JAKMIP1: variants seen among roughly 807,000 people sequenced by gnomAD.
JAKMIP1 encodes janus kinase and microtubule-interacting protein 1.
A neutral mutation model predicts 113.0 loss-of-function variants in JAKMIP1; 33 were observed. That is an observed-to-expected ratio of 0.29 (90% CI 0.22 to 0.39). JAKMIP1 has a LOEUF of 0.39. Among genes scored for constraint, JAKMIP1 ranks in the 10% least tolerant of loss-of-function variants. The pLI is 1.00. For synonymous variants in JAKMIP1, 480 were observed against 459.9 expected, an observed-to-expected ratio of 1.04 and a Z score of -0.56; for missense variants, 813 against 1,080.5, an observed-to-expected ratio of 0.75 and a Z score of 3.47.
At chr4:6,060,393 G>C (rs1356537162) in intron 11 of JAKMIP1, 31 bp downstream of exon 11, 38 of 1,540,714 alleles carry the variant, frequency 2.5e-5, no homozygotes, top group Non-Finnish European at 3.4e-5. Flanking sequence ...GAAAGGCTAA[G>C]ATTCACAGAG....
In JAKMIP1 at chr4:6,188,152, T is replaced by C. The variant is rs1726848178; in HGVS notation, c.-148+12101A>G. On this transcript the variant is annotated intron_variant, in intron 1 of 20. Coordinates refer to ENST00000409021, the MANE Select transcript of JAKMIP1 (RefSeq NM_001099433.2). The surrounding 1 kb of genome is among the most constrained non-coding windows in gnomAD (Gnocchi z 5.8). The stretch of plus-strand genomic sequence containing the variant: ...TTTATCCAAGAGTCTCTGAACACCA[T>C]CTACAAAAATGTCCACTACCAGCTT... Among the ~76,000 whole-genome samples the C allele has an allele frequency of 6.6e-6, 1 of 152,160 alleles. No homozygotes were observed. Among genetic ancestry groups the C allele is most frequent in the African/African-American group, 2.4e-5 (1 of 41,440 alleles).
At chr4:6,163,145 G>C (rs1197501098) in intron 1 of JAKMIP1, among the ~76,000 whole-genome samples, 2 of 152,226 alleles carry the variant, frequency 1.3e-5, no homozygotes, top group African/African-American at 2.4e-5. Flanking sequence ...TGTGGCTGCT[G>C]TGATAAGTCA....
chr4:6,121,098 G>C (rs566440261), intron 1 of JAKMIP1, among the ~76,000 whole-genome samples: 12 of 151,622 alleles, frequency 7.9e-5, no homozygotes, highest in African/African-American at 2.7e-4. Flanking sequence ...TACTTGGGAG[G>C]CTGAGGCAGG....
At chr4:6,123,915 G>T (rs556957952) in intron 1 of JAKMIP1, among the ~76,000 whole-genome samples, 171 of 152,310 alleles carry the variant, frequency 1.1e-3, no homozygotes, top group Non-Finnish European at 1.9e-3. Flanking sequence ...TTAACAAGGT[G>T]CTTGCTGTCT....
rs542288003 is a variant in JAKMIP1, at chr4:6,162,369, G to A, written c.-148+37884C>T. ...GGCAGCCAGAGCCTGGGAAACTCTCGGCACCCATTTTAGCCCAACCCTGGT... is the reference window on the plus strand; with the variant it reads ...GGCAGCCAGAGCCTGGGAAACTCTCAGCACCCATTTTAGCCCAACCCTGGT... On this transcript the variant is annotated intron_variant, in intron 1 of 20. Transcript: ENST00000409021. The surrounding 1 kb of genome is among the most constrained non-coding windows in gnomAD (Gnocchi z 5.6). Among the ~76,000 whole-genome samples, 2 of 152,240 alleles carry A rather than the reference G, an allele frequency of 1.3e-5. No individual in the cohort carries two copies. The highest frequency in any genetic ancestry group is 3.9e-4 in the East Asian group (2 of 5,178).
rs371778223 is a variant in JAKMIP1 at position 6,050,677 on chromosome 4, C to G, written c.1809G>C (p.Glu603Asp). The change falls in exon 14 of 21, where the codon GAG becomes GAC. Residue 603 changes from glutamate to aspartate, a missense_variant and splice_region_variant. Coordinates refer to ENST00000409021, the MANE Select transcript of JAKMIP1 (RefSeq NM_001099433.2). This position sits in a 1 kb window ranked among gnomAD's most constrained non-coding sequence, Gnocchi z 7.4. Reference protein sequence around the residue: ...LLEFRVLELEERERRSPAFNL... With the variant: ...LLEFRVLELEDRERRSPAFNL... Reference sequence around the variant, plus strand: ...TAAATGCTGGCGACCTCCTCTCTCTCTCCTGGGGAAAAGATTCGGTTTAAA... The same window carrying G: ...TAAATGCTGGCGACCTCCTCTCTCTGTCCTGGGGAAAAGATTCGGTTTAAA... 5.1e-6 allele frequency: 8 copies of G among 1,557,062 alleles called. No individual in the cohort carries two copies. Among genetic ancestry groups the G allele is most frequent in the Non-Finnish European group, 7.0e-6 (8 of 1,149,318 alleles).
chr4:6,133,720 G>C (rs1237875037), intron 1 of JAKMIP1, among the ~76,000 whole-genome samples: 1 of 152,236 alleles, frequency 6.6e-6, no homozygotes, highest in Admixed American at 6.5e-5. Flanking sequence ...CAGCAAGTGT[G>C]TTCCCCACGG....
chr4:6,089,575 A>C lies in JAKMIP1; in HGVS notation c.625-3946T>G, dbSNP rs1467144. On this transcript the variant is annotated intron_variant, in intron 3 of 20. Coordinates refer to ENST00000409021, the MANE Select transcript of JAKMIP1 (RefSeq NM_001099433.2). This position sits in a 1 kb window ranked among gnomAD's most constrained non-coding sequence, Gnocchi z 5.3. Reference sequence around the variant, plus strand: ...GAACCATGACTCAAGTGCAGATTGTACTCTCCAAGCCCTCCCTGTCCCCTC... The same window carrying C: ...GAACCATGACTCAAGTGCAGATTGTCCTCTCCAAGCCCTCCCTGTCCCCTC... 0.99 allele frequency among the ~76,000 whole-genome samples: 150,773 copies of C among 152,292 alleles called. 74,654 individuals are homozygous for C. Among genetic ancestry groups the C allele is most frequent in the Middle Eastern group, 1 (294 of 294 alleles).
At chr4:6,123,517 T>G (rs575677311) in intron 1 of JAKMIP1, among the ~76,000 whole-genome samples, 7 of 152,306 alleles carry the variant, frequency 4.6e-5, no homozygotes, top group African/African-American at 1.4e-4. Flanking sequence ...AGTCTTTTAA[T>G]ACTTAAAAAG....
At chr4:6,096,058 A>G (rs998967119) in intron 3 of JAKMIP1, among the ~76,000 whole-genome samples, 1 of 152,182 alleles carries the variant, frequency 6.6e-6, no homozygotes, top group Non-Finnish European at 1.5e-5. Context: ...CTCAGTGAGA[A>G]AGAACCAGCG....
chr4:6,115,076 T>TG lies in JAKMIP1; in HGVS notation c.-147-2080dup, dbSNP rs560876231. Reference sequence around the variant, plus strand: ...CTAAGCCCCGACAGAAAAGTCCACATGGGGAAAAGGTCAGTACCACAAAGA... The same window carrying TG: ...CTAAGCCCCGACAGAAAAGTCCACATGGGGGAAAAGGTCAGTACCACAAAGA... On this transcript the variant is annotated intron_variant, in intron 1 of 20. Coordinates refer to ENST00000409021, the MANE Select transcript of JAKMIP1 (RefSeq NM_001099433.2). Among the ~76,000 whole-genome samples the TG allele has an allele frequency of 6.6e-5, 10 of 152,032 alleles. 1 individual carries two copies. The South Asian group carries it at 2.1e-3, about 32-fold the overall frequency.
intron 3 of JAKMIP1, among the ~76,000 whole-genome samples, chr4:6,087,576 C>A (rs1485879232): frequency 6.6e-6 from 1 of 152,152 alleles, no homozygotes; most frequent in African/African-American, 2.4e-5. Context: ...CTCCTAGATT[C>A]CAGACTGAGA....
chr4:6,165,533 C>G (rs762748315), intron 1 of JAKMIP1, among the ~76,000 whole-genome samples: 40 of 152,184 alleles, frequency 2.6e-4, no homozygotes, highest in Non-Finnish European at 5.3e-4. Context: ...AACTCCTGAC[C>G]TCAAGTGACT....
rs940575315 is a variant in JAKMIP1 at position 6,176,631 on chromosome 4, T to C, written c.-148+23622A>G. On this transcript the variant is annotated intron_variant, in intron 1 of 20. Coordinates refer to ENST00000409021, the MANE Select transcript of JAKMIP1 (RefSeq NM_001099433.2). The surrounding 1 kb of genome is among the most constrained non-coding windows in gnomAD (Gnocchi z 5.5). ...ACTCCATGTTTACAAATGGGGAAAC[T>C]GAGGCTTGCAGTGGTAGAATGACTC... 3.3e-5 allele frequency among the ~76,000 whole-genome samples: 5 copies of C among 152,144 alleles called. No individual in the cohort carries two copies. Among genetic ancestry groups the C allele is most frequent in the African/African-American group, 9.7e-5 (4 of 41,428 alleles).
rs939199416 is a variant in JAKMIP1, at chr4:6,116,235, G to A, written c.-147-3238C>T. 1.1e-4 allele frequency among the ~76,000 whole-genome samples: 16 copies of A among 152,246 alleles called. No homozygotes were observed. The highest frequency in any genetic ancestry group is 3.9e-4 in the African/African-American group (16 of 41,554). On this transcript the variant is annotated intron_variant, in intron 1 of 20. Transcript: ENST00000409021. The surrounding 1 kb of genome is among the most constrained non-coding windows in gnomAD (Gnocchi z 5.1). ...GCTCACAGCACCACACAGCATCACT[G>A]TAATCAGCCCCTCTGGCTGCGGGCT...
In JAKMIP1 at chr4:6,154,523, G is replaced by C. The variant is rs907170830; in HGVS notation, c.-147-41526C>G. ...TTTAAAAAAAAAAAAAAGCAGGGGGGATATAAAAGGAAGAGGATGCATTTC... is the reference window on the plus strand; with the variant it reads ...TTTAAAAAAAAAAAAAAGCAGGGGGCATATAAAAGGAAGAGGATGCATTTC... On this transcript the variant is annotated intron_variant, in intron 1 of 20. Transcript: ENST00000409021. The surrounding 1 kb of genome is among the most constrained non-coding windows in gnomAD (Gnocchi z 4.2). 6.6e-6 allele frequency among the ~76,000 whole-genome samples: 1 copy of C among 151,222 alleles called. No individual in the cohort carries two copies. Among genetic ancestry groups the C allele is most frequent in the Non-Finnish European group, 1.5e-5 (1 of 67,828 alleles).
At position 6,184,322 on chromosome 4, in the gene JAKMIP1, C is replaced by T. The variant is rs55633494; in HGVS notation, c.-148+15931G>A. Among the ~76,000 whole-genome samples, 55 of 152,042 alleles carry T rather than the reference C, an allele frequency of 3.6e-4. No individual in the cohort carries two copies. The highest frequency in any genetic ancestry group is 1.3e-3 in the African/African-American group (53 of 41,418). ...AAGGAAGAACCGCTCCCAGGCACCA[C>T]AGCCAGGAAGGGGGCATGCCTCGAA... On this transcript the variant is annotated intron_variant, in intron 1 of 20. Transcript: ENST00000409021. The surrounding 1 kb of genome is among the most constrained non-coding windows in gnomAD (Gnocchi z 4.5).
rs1013117049 is a variant in JAKMIP1, at chr4:6,108,045, C to G, written c.130-2078G>C. On this transcript the variant is annotated intron_variant, in intron 2 of 20. Coordinates refer to ENST00000409021, the MANE Select transcript of JAKMIP1 (RefSeq NM_001099433.2). This position sits in a 1 kb window ranked among gnomAD's most constrained non-coding sequence, Gnocchi z 5.6. ...GTGGGCAGAGGCCTGTGCAGGGCAG[C>G]CCGGGGCGTCTAGGGGCTGCTTCCT... Among the ~76,000 whole-genome samples the G allele has an allele frequency of 3.3e-5, 5 of 152,138 alleles. No individual in the cohort carries two copies. Among genetic ancestry groups the G allele is most frequent in the Non-Finnish European group, 5.9e-5 (4 of 68,026 alleles).
chr4:6,125,208 C>G (rs898162629), intron 1 of JAKMIP1, among the ~76,000 whole-genome samples: 2 of 152,148 alleles, frequency 1.3e-5, no homozygotes, highest in Non-Finnish European at 2.9e-5. Flanking sequence ...CCCCAGCTCT[C>G]TGAGGTGCCC....
Sources: gnomAD v4.1 joint callset for allele counts (sites outside exome capture counted in the v4.1 genomes callset) on GRCh38, gnomAD v4.1.1 for gene constraint, Gnocchi (gnomAD v3.1) non-coding constraint, MANE v1.5 for transcripts, NCBI Gene and HGNC (gene_info 2026-07-23, HGNC 2026-07-21) for gene names.